The following SH3RF3 variants were observed in gnomAD, a reference collection of about 807,000 sequenced individuals.
SH3RF3 encodes the protein SH3 domain containing ring finger 3.
In SH3RF3, 29 loss-of-function variants were observed where a neutral mutation model predicts 66.3. That is an observed-to-expected ratio of 0.44 (90% CI 0.33 to 0.60). SH3RF3 has a LOEUF of 0.60. Ranked by LOEUF, SH3RF3 falls within the 20% of genes least tolerant of loss-of-function variation. SH3RF3 has a pLI of 0.04. For synonymous variants in SH3RF3, 583 were observed against 532.0 expected, an observed-to-expected ratio of 1.10 and a Z score of -1.32; for missense variants, 1,194 against 1,190.9, an observed-to-expected ratio of 1.00 and a Z score of -0.04.
intron 9 of SH3RF3, among the ~76,000 whole-genome samples, chr2:109,493,689 C>A (rs929918462): frequency 6.6e-6 from 1 of 151,832 alleles, no homozygotes; most frequent in Non-Finnish European, 1.5e-5. Flanking sequence ...ACACCATACA[C>A]ACACCACACA....
intron 1 of SH3RF3, among the ~76,000 whole-genome samples, chr2:109,218,116 G>A (rs1679143201): frequency 6.6e-6 from 1 of 151,206 alleles, no homozygotes; most frequent in African/African-American, 2.4e-5. Flanking sequence ...AAACTGAGTA[G>A]AGACAGAAAA....
intron 7 of SH3RF3, among the ~76,000 whole-genome samples, chr2:109,442,026 T>C (rs1677579098): frequency 6.6e-6 from 1 of 152,102 alleles, no homozygotes; most frequent in African/African-American, 2.4e-5. Context: ...AAATCCACAC[T>C]ATTGGCCAGG....
At chr2:109,150,451 A>G (rs2104867998) in intron 1 of SH3RF3, among the ~76,000 whole-genome samples, 1 of 152,338 alleles carries the variant, frequency 6.6e-6, no homozygotes, top group Middle Eastern at 3.4e-3. Flanking sequence ...TTTCACTTAA[A>G]AAACAATTTC....
chr2:109,207,869 A>C (rs976127954), intron 1 of SH3RF3, among the ~76,000 whole-genome samples: 5 of 152,208 alleles, frequency 3.3e-5, no homozygotes, highest in Admixed American at 6.5e-5. Context: ...CCAATTTAAC[A>C]AATTGGCCTA....
At chr2:109,442,184 G>A (rs1421335139) in intron 7 of SH3RF3, among the ~76,000 whole-genome samples, 5 of 152,042 alleles carry the variant, frequency 3.3e-5, no homozygotes, top group Middle Eastern at 3.4e-3. Context: ...GTTGGCGGGC[G>A]CCTGTAGTCC....
intron 2 of SH3RF3, among the ~76,000 whole-genome samples, chr2:109,369,777 C>A (rs1446661801): frequency 6.6e-6 from 1 of 152,190 alleles, no homozygotes; most frequent in African/African-American, 2.4e-5. Context: ...CGGATGGACA[C>A]CAAACCCTAC....
intron 1 of SH3RF3, among the ~76,000 whole-genome samples, chr2:109,244,102 G>C (rs1412002654): frequency 2.6e-5 from 4 of 152,182 alleles, no homozygotes; most frequent in African/African-American, 9.6e-5. Flanking sequence ...CTGATAGAAA[G>C]AATAGTTTTC....
chr2:109,129,567 C>G lies in SH3RF3; in HGVS notation c.27C>G (p.Cys9Trp). The G allele has an allele frequency of 6.7e-7, 1 of 1,489,098 alleles. No homozygotes were observed. The highest frequency in any genetic ancestry group is 8.9e-7 in the Non-Finnish European group (1 of 1,127,738). 92.2% of individuals were successfully genotyped at this position (1,489,098 alleles called of 1,614,324 possible). ...TGCTGCTCGGAGCGTCCTGGCTGTG[C>G]GCATCCAAGGCGGCCGCCGCTGCTG... The part of the protein sequence containing the change: MLLGASWL[C>W]ASKAAAAAAQ... The change falls in exon 1 of 10, where the codon TGC (cysteine) becomes TGG (tryptophan). Residue 9 changes from cysteine (C) to tryptophan (W), a missense_variant. Coordinates refer to ENST00000309415, the MANE Select transcript of SH3RF3 (RefSeq NM_001099289.3).
chr2:109,196,260 T>C (rs1176217380), intron 1 of SH3RF3, among the ~76,000 whole-genome samples: 1 of 152,214 alleles, frequency 6.6e-6, no homozygotes, highest in East Asian at 1.9e-4. Flanking sequence ...CTGCATCCGC[T>C]GCTCTCCTGG....
At chr2:109,333,270 C>A (rs566141811) in intron 1 of SH3RF3, among the ~76,000 whole-genome samples, 2 of 152,334 alleles carry the variant, frequency 1.3e-5, no homozygotes, top group East Asian at 3.9e-4. Context: ...TGATTAGTTT[C>A]GCCTTTTAAA....
intron 8 of SH3RF3, among the ~76,000 whole-genome samples, chr2:109,477,373 T>C (rs1053787019): frequency 5.3e-5 from 8 of 152,278 alleles, no homozygotes; most frequent in African/African-American, 1.9e-4. Flanking sequence ...CCACAATCAT[T>C]CATTCCCCAC....
At chr2:109,266,661 A>G (rs562440573) in intron 1 of SH3RF3, among the ~76,000 whole-genome samples, 26 of 151,868 alleles carry the variant, frequency 1.7e-4, no homozygotes, top group African/African-American at 6.3e-4. Flanking sequence ...CACAAAGGGC[A>G]GCTCAGGAGC....
chr2:109,207,361 G>A (rs912477625), intron 1 of SH3RF3, among the ~76,000 whole-genome samples: 1 of 152,110 alleles, frequency 6.6e-6, no homozygotes, highest in Admixed American at 6.5e-5. Flanking sequence ...CTTTGTCTCT[G>A]GGGGAGGGAA....
intron 1 of SH3RF3, among the ~76,000 whole-genome samples, chr2:109,219,953 G>T (rs1679193878): frequency 6.6e-6 from 1 of 152,178 alleles, no homozygotes; most frequent in African/African-American, 2.4e-5. Context: ...AATCTCAAGG[G>T]ACCCCAAATA....
At chr2:109,474,073 G>A (rs1350215973) in intron 8 of SH3RF3, among the ~76,000 whole-genome samples, 10 of 152,122 alleles carry the variant, frequency 6.6e-5, no homozygotes, top group Non-Finnish European at 1.2e-4. Context: ...TTGGGGGTTC[G>A]TGGCTTCCAT....
At chr2:109,225,679 T>C (rs1558968223) in intron 1 of SH3RF3, among the ~76,000 whole-genome samples, 1 of 152,386 alleles carries the variant, frequency 6.6e-6, no homozygotes, top group African/African-American at 2.4e-5. Context: ...CCTGTAAATA[T>C]CAGGAACAGA....
At chr2:109,418,131 C>T (rs1012222103) in intron 4 of SH3RF3, among the ~76,000 whole-genome samples, 52 of 152,106 alleles carry the variant, frequency 3.4e-4, no homozygotes, top group African/African-American at 1.2e-3. Context: ...TGCCTTTGGC[C>T]GAGGTACCTG....
At chr2:109,253,454 G>GT (rs1053796977) in intron 1 of SH3RF3, among the ~76,000 whole-genome samples, 2 of 152,208 alleles carry the variant, frequency 1.3e-5, no homozygotes. Context: ...GGGTGGGCTG[G>GT]TGAGGGCATT....
In SH3RF3 at chr2:109,374,664, G is replaced by A. The variant is rs575296040; in HGVS notation, c.945+2983G>A. ...GTGCAAGAAGGAATGTAGCAGACCCGTCACCTCACACTAAGAGGATATCTT... is the reference window on the plus strand; with the variant it reads ...GTGCAAGAAGGAATGTAGCAGACCCATCACCTCACACTAAGAGGATATCTT... On this transcript the variant is annotated intron_variant, in intron 3 of 9. Coordinates refer to ENST00000309415, the MANE Select transcript of SH3RF3 (RefSeq NM_001099289.3). 4.6e-5 allele frequency among the ~76,000 whole-genome samples: 7 copies of A among 152,324 alleles called. No homozygotes were observed. In the South Asian group the frequency reaches 1.0e-3, roughly 23 times the overall value.
Sources: gnomAD v4.1 joint callset for allele counts (sites outside exome capture counted in the v4.1 genomes callset) on GRCh38, gnomAD v4.1.1 for gene constraint, MANE v1.5 for transcripts, NCBI Gene and HGNC (gene_info 2026-07-23, HGNC 2026-07-21) for gene names.